OFD1: variants seen among roughly 807,000 people sequenced by gnomAD.
OFD1 encodes centriole and centriolar satellite protein OFD1.
A neutral mutation model predicts 81.4 loss-of-function variants in OFD1; 12 were observed. The ratio of observed to expected loss-of-function variants is 0.15; its 90% CI spans 0.09 to 0.24. OFD1 has a LOEUF of 0.24. OFD1 is among the 10% of genes least tolerant of loss of function. The probability of loss-of-function intolerance (pLI) is 1.00; values close to 1 mark genes in which losing one functional copy is unlikely to be tolerated. For synonymous variants in OFD1, 256 were observed against 263.7 expected, an observed-to-expected ratio of 0.97 and a Z score of 0.28; for missense variants, 685 against 733.9, an observed-to-expected ratio of 0.93 and a Z score of 0.77.
In OFD1 at chrX:13,768,748, C is replaced by T. The variant is rs148543618; in HGVS notation, c.2959C>T (p.Leu987=). Residue 987 remains leucine (L), a synonymous_variant, in exon 22 of 23, where the codon CTA becomes TTA. Coordinates refer to ENST00000340096, the MANE Select transcript of OFD1 (RefSeq NM_003611.3). ...AAAAAAGATGGTCCAAGAAGGCTCC[C>T]TAGTGGACACGCTGCAATCTAGTGA... The part of the protein sequence containing the change: ...SSKKMVQEGS[L]VDTLQSSDKV... 6 of 1,208,487 alleles carry T rather than the reference C, an allele frequency of 5.0e-6. No individual in the cohort carries two copies. In the African/African-American group the frequency reaches 1.0e-4, roughly 21 times the overall value.
chrX:13,759,713 C>T (rs760823224), intron 15 of OFD1, among the ~76,000 whole-genome samples: 1 of 112,263 alleles, frequency 8.9e-6, no homozygotes, highest in Non-Finnish European at 1.9e-5. Flanking sequence ...AATTATTTTG[C>T]AGTCAACTGT....
chrX:13,770,407 T>TAA (rs1202220653), downstream of OFD1, among the ~76,000 whole-genome samples: 1 of 112,207 alleles, frequency 8.9e-6, no homozygotes, highest in Admixed American at 9.4e-5. Flanking sequence ...TGGGCCTCAC[T>TAA]AAGAAAGGTC....
At chrX:13,764,512 G>A (rs962980752) in intron 19 of OFD1, among the ~76,000 whole-genome samples, 3 of 111,616 alleles carry the variant, frequency 2.7e-5, no homozygotes, top group Non-Finnish European at 5.6e-5. Flanking sequence ...GAAGAGAGCC[G>A]TGGGAGCTTT....
At chrX:13,763,411 G>GTACTT in intron 18 of OFD1, among the ~76,000 whole-genome samples, 1 of 112,856 alleles carries the variant, frequency 8.9e-6, no homozygotes, top group East Asian at 2.8e-4. Context: ...ATTTGTTAAA[G>GTACTT]TCTTTGTGTT....
intron 5 of OFD1, chrX:13,739,239 T>A: frequency 2.9e-6 from 1 of 340,038 alleles, no homozygotes; most frequent in Non-Finnish European, 5.1e-6. Flanking sequence ...TCAAAGGCCC[T>A]ACAGACAGGC....
chrX:13,725,909 C>A, the OFD1 span, among the ~76,000 whole-genome samples: 2 of 111,444 alleles, frequency 1.8e-5, no homozygotes, highest in Non-Finnish European at 3.8e-5. Flanking sequence ...TAGAGAAGAC[C>A]TTAAATGACC....
At chrX:13,763,413 C>A (rs2048010343) in intron 18 of OFD1, among the ~76,000 whole-genome samples, 2 of 112,544 alleles carry the variant, frequency 1.8e-5, no homozygotes, top group African/African-American at 3.2e-5. Context: ...TTGTTAAAGT[C>A]TTTGTGTTAA....
Position 13,753,353 on chromosome X carries a change from C to T in OFD1, c.1056-15C>T, listed in dbSNP as rs959217100. The T allele has an allele frequency of 2.5e-6, 3 of 1,207,070 alleles. No individual in the cohort carries two copies. Among genetic ancestry groups the T allele is most frequent in the Non-Finnish European group, 3.4e-6 (3 of 892,569 alleles). On this transcript the variant is annotated splice_polypyrimidine_tract_variant and intron_variant, in intron 10 of 22. Coordinates refer to ENST00000340096, the MANE Select transcript of OFD1 (RefSeq NM_003611.3). ...AATGCCTGAGGAGCTCATATTTAGT[C>T]ATTCTGATTCTCAGGTATCAACTTG...
chrX:13,751,083 C>G (rs1336909083), intron 9 of OFD1, among the ~76,000 whole-genome samples, 166 bp from the exon 10 acceptor site: 1 of 112,198 alleles, frequency 8.9e-6, no homozygotes, highest in Non-Finnish European at 1.9e-5. Flanking sequence ...GTAACTAGGT[C>G]AGTTCATAAA....
downstream of OFD1, among the ~76,000 whole-genome samples, chrX:13,769,600 TTGTA>T (rs910281588): frequency 6.3e-5 from 7 of 110,340 alleles, no homozygotes; most frequent in Non-Finnish European, 1.3e-4. Flanking sequence ...TGTCTGTGGT[TTGTA>T]TGTATGTGTC....
At chrX:13,717,412 T>G in the OFD1 span, among the ~76,000 whole-genome samples, 4 of 112,098 alleles carry the variant, frequency 3.6e-5, no homozygotes, top group African/African-American at 1.3e-4. Context: ...AATTCAGAAC[T>G]TGGAATGCAG....
At chrX:13,759,183 A>T (rs755831692) in intron 15 of OFD1, among the ~76,000 whole-genome samples, 125 of 111,955 alleles carry the variant, frequency 1.1e-3, no homozygotes, top group Non-Finnish European at 2.1e-3. Flanking sequence ...TACCAGTTCA[A>T]CTGGGTCTGA....
upstream of OFD1, among the ~76,000 whole-genome samples, chrX:13,731,495 A>T (rs975361906): frequency 8.9e-6 from 1 of 112,454 alleles, no homozygotes; most frequent in African/African-American, 3.2e-5. Context: ...AGGTAAACAG[A>T]AAGTCATTTT....
Position 13,736,686 on chromosome X carries a change from C to A in OFD1, c.312+8C>A. On this transcript the variant is annotated splice_region_variant and intron_variant, in intron 3 of 22. Transcript: ENST00000340096. ...GGTTTGGCAAAAGAAAAGGTAAAGT[C>A]TTTCCTTTTCTGTTTCTGAAGTTTT... is the stretch of plus-strand genomic sequence containing the variant. The A allele has an allele frequency of 8.5e-7, 1 of 1,173,685 alleles. No individual in the cohort carries two copies. Among genetic ancestry groups the A allele is most frequent in the Non-Finnish European group, 1.2e-6 (1 of 861,499 alleles).
chrX:13,739,162 C>A, intron 5 of OFD1, 130 bp downstream of exon 5: 1 of 549,296 alleles, frequency 1.8e-6, no homozygotes, highest in Non-Finnish European at 3.0e-6. Context: ...TTCTGCAGGT[C>A]ATTTCCCCTA....
chrX:13,742,309 CTTAT>C (rs1047233309), intron 5 of OFD1, among the ~76,000 whole-genome samples: 4 of 111,144 alleles, frequency 3.6e-5, no homozygotes, highest in African/African-American at 1.3e-4. Context: ...AGACACAGAT[CTTAT>C]TTATTATACC....
the OFD1 span, chrX:13,714,561 G>GA: frequency 1.5e-6 from 1 of 662,262 alleles, no homozygotes; most frequent in East Asian, 3.8e-5. Flanking sequence ...TTAAGTTTCT[G>GA]AAAGGAAATC....
At chrX:13,730,686 G>C (rs1401895321), upstream of OFD1, among the ~76,000 whole-genome samples, 2 of 111,639 alleles carry the variant, frequency 1.8e-5, no homozygotes, top group Non-Finnish European at 3.8e-5. Flanking sequence ...ATCAATGATA[G>C]ACTGGATTAG....
intron 19 of OFD1, among the ~76,000 whole-genome samples, chrX:13,765,538 A>G (rs1318435227): frequency 4.5e-5 from 5 of 111,512 alleles, no homozygotes; most frequent in Non-Finnish European, 9.4e-5. Context: ...GAGAGAGAGA[A>G]GAAACTGTGT....
Sources: allele counts gnomAD v4.1 joint callset (sites outside exome capture counted in the v4.1 genomes callset), GRCh38; gene constraint gnomAD v4.1.1; transcripts MANE v1.5; gene names NCBI Gene and HGNC (gene_info 2026-07-23, HGNC 2026-07-21).